Variants in KHDRBS2 observed in about 807,000 individuals in gnomAD.
KHDRBS2 encodes KH RNA binding domain containing, signal transduction associated 2.
In KHDRBS2, 26 loss-of-function variants were observed where a neutral mutation model predicts 44.3. The observed-to-expected ratio is 0.59, with a 90% CI of 0.43 to 0.81. KHDRBS2 has a LOEUF of 0.81. Among genes scored for constraint, KHDRBS2 ranks in the 40% least tolerant of loss-of-function variants. The pLI is 0.00. For missense variants in KHDRBS2, 476 were observed against 433.1 expected (o/e 1.10, Z -0.88); for synonymous variants, 194 against 151.1 (o/e 1.28, Z -2.08).
chr6:62,198,908 C>T (rs1826287499), intron 1 of KHDRBS2, among the ~76,000 whole-genome samples: 1 of 152,138 alleles, frequency 6.6e-6, no homozygotes. Context: ...TGGGCTTCAT[C>T]CCTGGGAAGC....
At chr6:61,823,166 G>A (rs1451416050) in intron 6 of KHDRBS2, among the ~76,000 whole-genome samples, 1 of 151,940 alleles carries the variant, frequency 6.6e-6, no homozygotes, top group African/African-American at 2.4e-5. Context: ...GGGGCCATGA[G>A]AATGCTTTAA....
intron 4 of KHDRBS2, among the ~76,000 whole-genome samples, chr6:61,936,552 T>C (rs1158148451): frequency 6.6e-6 from 1 of 152,028 alleles, no homozygotes; most frequent in Non-Finnish European, 1.5e-5. Context: ...GTTTTCTCAA[T>C]TTGGGACTCA....
chr6:61,869,977 T>TGTTTGTTTC (rs1562339447), intron 6 of KHDRBS2, among the ~76,000 whole-genome samples: 2 of 149,880 alleles, frequency 1.3e-5, no homozygotes, highest in East Asian at 3.9e-4. Context: ...TTTTTTTTTT[T>TGTTTGTTTC]TTTTTTTTTT....
At chr6:61,803,020 G>A (rs1332513499) in intron 6 of KHDRBS2, among the ~76,000 whole-genome samples, 1 of 152,082 alleles carries the variant, frequency 6.6e-6, no homozygotes. Flanking sequence ...AAATAAGGAA[G>A]GTTTATTGGC....
intron 6 of KHDRBS2, among the ~76,000 whole-genome samples, chr6:61,766,751 C>A (rs1430152000): frequency 6.6e-6 from 1 of 151,944 alleles, no homozygotes; most frequent in African/African-American, 2.4e-5. Flanking sequence ...TGTTTAATTT[C>A]CATGTGGATG....
At chr6:61,815,995 A>G (rs1241954698) in intron 6 of KHDRBS2, among the ~76,000 whole-genome samples, 1 of 152,152 alleles carries the variant, frequency 6.6e-6, no homozygotes. Context: ...GAGCACTCAT[A>G]AATACCAAAA....
At chr6:62,270,957 A>C (rs1839997170) in intron 1 of KHDRBS2, among the ~76,000 whole-genome samples, 1 of 152,084 alleles carries the variant, frequency 6.6e-6, no homozygotes, top group African/African-American at 2.4e-5. Flanking sequence ...TTTACCTACC[A>C]TGTTTTTTCT....
chr6:61,779,414 G>C (rs1782591843), intron 6 of KHDRBS2, among the ~76,000 whole-genome samples: 1 of 151,988 alleles, frequency 6.6e-6, no homozygotes, highest in African/African-American at 2.4e-5. Context: ...GGAACCACTG[G>C]ATTAAGAAAG....
At chr6:61,864,890 G>A (rs1045857648) in intron 6 of KHDRBS2, among the ~76,000 whole-genome samples, 1 of 151,844 alleles carries the variant, frequency 6.6e-6, no homozygotes, top group African/African-American at 2.4e-5. Flanking sequence ...TTCTTGATTG[G>A]TGTCTCTTTC....
chr6:62,200,251 A>C (rs1388760076), intron 1 of KHDRBS2, among the ~76,000 whole-genome samples: 1 of 152,206 alleles, frequency 6.6e-6, no homozygotes, highest in Non-Finnish European at 1.5e-5. Context: ...TAATTAAACT[A>C]AAGAGCTTCT....
At chr6:62,079,113 C>T (rs991005945) in intron 2 of KHDRBS2, among the ~76,000 whole-genome samples, 2 of 151,920 alleles carry the variant, frequency 1.3e-5, no homozygotes, top group African/African-American at 4.8e-5. Context: ...AATAATTCAC[C>T]ATGATCCATA....
intron 3 of KHDRBS2, among the ~76,000 whole-genome samples, chr6:62,029,792 TAA>T (rs1335979006): frequency 4.6e-5 from 7 of 152,012 alleles, no homozygotes; most frequent in African/African-American, 1.7e-4. Context: ...AGCACTTATA[TAA>T]GACATTCAAT....
intron 1 of KHDRBS2, among the ~76,000 whole-genome samples, chr6:62,178,780 C>T (rs1466707945): frequency 6.6e-6 from 1 of 151,336 alleles, no homozygotes; most frequent in East Asian, 1.9e-4. Context: ...TTGTTCTTTG[C>T]TCTTAGTCAA....
chr6:61,701,995 G>T (rs1392719029), intron 7 of KHDRBS2, among the ~76,000 whole-genome samples: 1 of 151,890 alleles, frequency 6.6e-6, no homozygotes, highest in Admixed American at 6.6e-5. Flanking sequence ...TTTTGGACTG[G>T]TTGCAGTAAT....
intron 1 of KHDRBS2, among the ~76,000 whole-genome samples, chr6:62,271,137 A>G (rs1379297428): frequency 6.6e-6 from 1 of 152,184 alleles, no homozygotes; most frequent in East Asian, 1.9e-4. Flanking sequence ...ACATACATAT[A>G]TACACACAGG....
intron 6 of KHDRBS2, among the ~76,000 whole-genome samples, chr6:61,866,034 T>C (rs909266271): frequency 1.3e-5 from 2 of 152,212 alleles, no homozygotes; most frequent in African/African-American, 4.8e-5. Context: ...TTACAAGCTA[T>C]TGGTGGATCT....
the KHDRBS2 span, among the ~76,000 whole-genome samples, chr6:61,573,661 T>C: frequency 1.3e-5 from 2 of 151,970 alleles, no homozygotes; most frequent in Non-Finnish European, 2.9e-5. Context: ...TGGTGATGCA[T>C]GCCTGCAATC....
intron 3 of KHDRBS2, among the ~76,000 whole-genome samples, chr6:61,980,894 T>C (rs771980593): frequency 6.6e-6 from 1 of 152,200 alleles, no homozygotes; most frequent in Non-Finnish European, 1.5e-5. Context: ...TGTACTACAG[T>C]TCACCTTTTG....
intron 1 of KHDRBS2, among the ~76,000 whole-genome samples, chr6:62,231,160 G>T (rs2150159175): frequency 6.6e-6 from 1 of 152,240 alleles, no homozygotes; most frequent in Non-Finnish European, 1.5e-5. Flanking sequence ...CTTTTTGAGA[G>T]ATCCAAATGT....
Sources: gnomAD v4.1 joint callset for allele counts (sites outside exome capture counted in the v4.1 genomes callset) on GRCh38, gnomAD v4.1.1 for gene constraint, MANE v1.5 for transcripts, NCBI Gene and HGNC (gene_info 2026-07-23, HGNC 2026-07-21) for gene names.